PFKP: variants seen among roughly 807,000 people sequenced by gnomAD.
PFKP encodes the protein phosphofructokinase, platelet, also known as ATP-dependent 6-phosphofructokinase, platelet type.
PFKP carries 101 observed loss-of-function variants against 94.3 expected under a neutral mutation model. The observed-to-expected ratio is 1.07, with a 90% confidence interval of 0.91 to 1.26. PFKP has a LOEUF of 1.26. PFKP is among the 50% of genes most tolerant of loss of function. The pLI, the probability that PFKP is intolerant of heterozygous loss-of-function variation, is 0.00. For missense variants in PFKP, 1,145 were observed against 1,103.3 expected, an observed-to-expected ratio of 1.04 and a Z score of -0.53; for synonymous variants, 573 against 432.6, an observed-to-expected ratio of 1.32 and a Z score of -4.03.
At chr10:3,070,527 A>G (rs1832100927) in intron 1 of PFKP, among the ~76,000 whole-genome samples, 1 of 152,210 alleles carries the variant, frequency 6.6e-6, no homozygotes, top group Admixed American at 6.5e-5. Flanking sequence ...AGATGATCAT[A>G]GCTACCATTT....
At chr10:3,118,641 T>C (rs193016948) in intron 14 of PFKP, 141 bp from the exon 15 acceptor site, 1 of 593,568 alleles carries the variant, frequency 1.7e-6, no homozygotes, top group East Asian at 2.9e-5. Flanking sequence ...CACAACGGCA[T>C]GAGTGAAAAG....
intron 20 of PFKP, among the ~76,000 whole-genome samples, chr10:3,135,457 C>T (rs1244746859): frequency 6.6e-6 from 1 of 152,160 alleles, no homozygotes; most frequent in Non-Finnish European, 1.5e-5. Context: ...GTAATTTAAG[C>T]TAATTTCCCT....
At chr10:3,134,412 AT>A (rs1421142279) in intron 19 of PFKP, 70 bp from the exon 20 acceptor site, 7 of 881,948 alleles carry the variant, frequency 7.9e-6, no homozygotes, top group Admixed American at 2.0e-5. Flanking sequence ...CAAAATAGAA[AT>A]TGTCATTTCT....
At chr10:3,133,015 G>T (rs1354601343) in intron 18 of PFKP, among the ~76,000 whole-genome samples, 188 bp from the exon 19 acceptor site, 3 of 152,208 alleles carry the variant, frequency 2.0e-5, no homozygotes, top group African/African-American at 7.2e-5. Context: ...GTGGGCCTCA[G>T]TTGACCACTG....
chr10:3,102,286 C>T (rs1020804612), intron 4 of PFKP, among the ~76,000 whole-genome samples: 3 of 145,290 alleles, frequency 2.1e-5, no homozygotes, highest in Admixed American at 7.0e-5. Flanking sequence ...GAAGTTGCCA[C>T]AGGACTTTAA....
rs182223333 is a variant in PFKP, at chr10:3,107,526, G to A, written c.870+217G>A. On this transcript the variant is annotated intron_variant, in intron 8 of 21. Transcript: ENST00000381125. ...GCTTACGTCACCTCTTGCCGAGCCC[G>A]TAGAGGTTCCGGGACTCCCCAGCAG... Among the ~76,000 whole-genome samples, 24 of 152,368 alleles carry A rather than the reference G, an allele frequency of 1.6e-4. No homozygotes were observed. In the East Asian group the frequency reaches 4.0e-3, roughly 26 times the overall value.
chr10:3,102,112 GTA>G (rs1835060933), intron 4 of PFKP, among the ~76,000 whole-genome samples: 2 of 149,904 alleles, frequency 1.3e-5, no homozygotes, highest in African/African-American at 4.9e-5. Context: ...TTAGCCGGGC[GTA>G]GTGGCGGGCG....
chr10:3,136,550 C>T lies in PFKP; in HGVS notation c.2326C>T (p.Leu776=), dbSNP rs1839386178. The part of the protein sequence containing the change: ...ASYDVSDSGQ[L]EHVQPWSV ...CTATGACGTGTCGGACTCAGGCCAG[C>T]TGGAACATGTGCAGCCCTGGAGTGT... Residue 776 remains leucine (L), a synonymous_variant, in exon 22 of 22, where the codon CTG becomes TTG. Coordinates refer to ENST00000381125, the MANE Select transcript of PFKP (RefSeq NM_002627.5). 2 of 1,613,704 alleles carry T rather than the reference C, an allele frequency of 1.2e-6. No homozygotes were observed. Among genetic ancestry groups the T allele is most frequent in the African/African-American group, 1.3e-5 (1 of 75,046 alleles).
At chr10:3,121,606 G>A (rs914506017) in intron 16 of PFKP, among the ~76,000 whole-genome samples, 3 of 111,842 alleles carry the variant, frequency 2.7e-5, no homozygotes, top group Non-Finnish European at 5.5e-5. Context: ...TTTTCAGATT[G>A]TAAATATGTA....
intron 17 of PFKP, among the ~76,000 whole-genome samples, chr10:3,131,741 G>A (rs945176149): frequency 1.3e-5 from 2 of 152,136 alleles, no homozygotes; most frequent in East Asian, 1.9e-4. Flanking sequence ...CTACAGGCAT[G>A]AGCCACCATG....
In PFKP at chr10:3,112,269, G is replaced by A. The variant is rs2306302; in HGVS notation, c.1137G>A (p.Ala379=). ...TGGACGAGAGGAGATTTCAAGATGC[G>A]GTTCGACTCCGAGGGAGGTGAGGTG... ...KAMDERRFQD[A]VRLRGRSFAG... is the part of the protein sequence containing the mutation. The change falls in exon 11 of 22, where the codon GCG becomes GCA. Residue 379 remains alanine (A), a synonymous_variant. Coordinates refer to ENST00000381125, the MANE Select transcript of PFKP (RefSeq NM_002627.5). The A allele has an allele frequency of 0.079, 127,113 of 1,612,740 alleles. 6,884 individuals are homozygous for A. Among genetic ancestry groups the A allele is most frequent in the South Asian group, 0.22 (20,378 of 90,998 alleles).
intron 10 of PFKP, among the ~76,000 whole-genome samples, chr10:3,110,365 A>ATTTTTTTTTTTTT (rs57980780): frequency 1.4e-3 from 130 of 92,518 alleles, no homozygotes; most frequent in Non-Finnish European, 1.8e-3. Context: ...CGCCTGGCTA[A>ATTTTTTTTTTTTT]TTTTTTTTTT....
intron 19 of PFKP, among the ~76,000 whole-genome samples, chr10:3,133,860 G>A (rs1220082889): frequency 6.6e-6 from 1 of 152,130 alleles, no homozygotes; most frequent in Non-Finnish European, 1.5e-5. Flanking sequence ...CCCATTACTT[G>A]GAAATGCTTA....
chr10:3,135,965 T>TA (rs988427316), intron 21 of PFKP, 127 bp downstream of exon 21: 27 of 653,694 alleles, frequency 4.1e-5, no homozygotes, highest in South Asian at 2.2e-4. Flanking sequence ...GAAGCTCAGT[T>TA]AAAAAAATAC....
intron 16 of PFKP, among the ~76,000 whole-genome samples, chr10:3,120,372 TGTGTGTG>T (rs557441222): frequency 0.53 from 67,021 of 125,800 alleles, 15,131 homozygotes; most frequent in Non-Finnish European, 0.58. Context: ...AAAATCGCTG[TGTGTGTG>T]TGTGTGTGTG....
intron 2 of PFKP, 57 bp downstream of exon 2, chr10:3,082,518 A>G: frequency 7.6e-7 from 1 of 1,312,322 alleles, no homozygotes. Context: ...AGAGCCCTGC[A>G]GTCACCGGCG....
In PFKP at chr10:3,116,759, C is replaced by G; in HGVS notation, c.1372-17C>G. On this transcript the variant is annotated splice_polypyrimidine_tract_variant and intron_variant, in intron 13 of 21. Coordinates refer to ENST00000381125, the MANE Select transcript of PFKP (RefSeq NM_002627.5). ...CATTGTTCACTTTAGCTGTTTCGTT[C>G]TGTGTTTGCACATTAGATCAAAGAA... 2 of 1,604,452 alleles carry G rather than the reference C, an allele frequency of 1.2e-6. No individual in the cohort carries two copies. The highest frequency in any genetic ancestry group is 1.7e-6 in the Non-Finnish European group (2 of 1,171,092).
At position 3,084,924 on chromosome 10, in the gene PFKP, C is replaced by CA. The variant is rs1423503379; in HGVS notation, c.186+2463_186+2464insA. 1.4e-3 allele frequency among the ~76,000 whole-genome samples: 68 copies of CA among 49,156 alleles called. 1 individual carries two copies. The highest frequency in any genetic ancestry group is 8.1e-3 in the East Asian group (11 of 1,360). 32.2% of individuals were successfully genotyped at this position (49,156 alleles called of 152,430 possible). A position where few individuals can be genotyped will look rare whatever the true frequency, so the allele number is the denominator to read the frequency against. ...CACTCTCCAGCACGGTCCCCCATTC[C>CA]CTCCCCAGCACGGTCCCCCATTCCC... On this transcript the variant is annotated intron_variant, in intron 2 of 21. Coordinates refer to ENST00000381125, the MANE Select transcript of PFKP (RefSeq NM_002627.5).
intron 3 of PFKP, chr10:3,100,907 G>A: frequency 6.7e-7 from 1 of 1,500,818 alleles, no homozygotes; most frequent in Non-Finnish European, 9.2e-7. Flanking sequence ...GGTTCCTGCT[G>A]GTTTTACTTG....
Sources: allele counts gnomAD v4.1 joint callset (sites outside exome capture counted in the v4.1 genomes callset), GRCh38; gene constraint gnomAD v4.1.1; transcripts MANE v1.5; gene names NCBI Gene and HGNC (gene_info 2026-07-23, HGNC 2026-07-21).